The following SOX5 variants were observed in gnomAD, a reference collection of about 807,000 sequenced individuals.
SOX5 encodes SRY-box transcription factor 5.
In SOX5, 9 loss-of-function variants were observed where a neutral mutation model predicts 92.0. The ratio of observed to expected loss-of-function variants is 0.10; its 90% CI spans 0.06 to 0.17. The LOEUF is 0.17. Ranked by LOEUF, SOX5 falls within the 10% of genes least tolerant of loss-of-function variation. The probability of loss-of-function intolerance (pLI) is 1.00; values close to 1 mark genes in which losing one functional copy is unlikely to be tolerated. For synonymous variants in SOX5, 344 were observed against 336.3 expected (o/e 1.02, Z -0.25); for missense variants, 642 against 944.5 (o/e 0.68, Z 4.20).
chr12:23,671,161 T>C (rs578155582), intron 6 of SOX5, among the ~76,000 whole-genome samples: 4 of 152,310 alleles, frequency 2.6e-5, no homozygotes, highest in African/African-American at 9.6e-5. Flanking sequence ...AGAGTGAGTT[T>C]GTATGAAATC....
chr12:23,850,919 C>T (rs539008947), intron 2 of SOX5, among the ~76,000 whole-genome samples: 7 of 152,138 alleles, frequency 4.6e-5, no homozygotes, highest in African/African-American at 1.7e-4. Context: ...GTTCATAGTT[C>T]CAGTTATGAA....
Position 23,993,864 on chromosome 12 carries a change from AATGTATGTATGTATGT to A in SOX5, c.-1-97856_-1-97841del, listed in dbSNP as rs5797056. On this transcript the variant is annotated intron_variant, in intron 4 of 4. Transcript: ENST00000446891. ...ACATAAAGAAACTCCCTCCCTATGAAATGTATGTATGTATGTATGTATGTATGTATGTATGTATGTA... is the reference window on the plus strand; with the variant it reads ...ACATAAAGAAACTCCCTCCCTATGAAATGTATGTATGTATGTATGTATGTA... Among the ~76,000 whole-genome samples, 696 of 146,618 alleles carry A rather than the reference AATGTATGTATGTATGT, an allele frequency of 4.7e-3. 11 individuals carry two copies. The highest frequency in any genetic ancestry group is 0.026 in the Admixed American group (377 of 14,534).
At chr12:23,534,650 AT>A (rs1939821685) in intron 14 of SOX5, 128 bp from the exon 15 acceptor site, 2 of 660,290 alleles carry the variant, frequency 3.0e-6, no homozygotes, top group Non-Finnish European at 4.9e-6. Flanking sequence ...ATTGCCTAAC[AT>A]TTTTCAAACT....
At position 23,682,410 on chromosome 12, in the gene SOX5, A is replaced by T. The variant is rs562884865; in HGVS notation, c.811-16846T>A. ...TTGAGTCTAAGTTTCCATTAAAAAT[A>T]CAATTTGATTATTGAAATATGATCC... On this transcript the variant is annotated intron_variant, in intron 6 of 14. Transcript: ENST00000451604. Among the ~76,000 whole-genome samples the T allele has an allele frequency of 1.1e-4, 17 of 150,418 alleles. No individual in the cohort carries two copies. In the South Asian group the frequency reaches 3.3e-3, roughly 29 times the overall value.
chr12:23,906,552 T>C (rs1366354770), intron 1 of SOX5, among the ~76,000 whole-genome samples: 1 of 152,146 alleles, frequency 6.6e-6, no homozygotes, highest in African/African-American at 2.4e-5. Flanking sequence ...AGCGTGAAAG[T>C]GCTCACCTCC....
intron 8 of SOX5, among the ~76,000 whole-genome samples, chr12:23,640,149 A>C (rs537307273): frequency 6.6e-6 from 1 of 152,232 alleles, no homozygotes; most frequent in African/African-American, 2.4e-5. Flanking sequence ...AATCAAAGCT[A>C]CCTGTTACTA....
chr12:24,149,077 T>A (rs1035718924), intron 4 of SOX5, among the ~76,000 whole-genome samples: 4 of 152,126 alleles, frequency 2.6e-5, no homozygotes, highest in African/African-American at 9.7e-5. Context: ...ATGCTAATAT[T>A]GATTCAAAAT....
rs74524871 is a variant in SOX5 at position 23,557,426 on chromosome 12, T to C, written c.1488+5832A>G. On this transcript the variant is annotated intron_variant, in intron 11 of 14. Transcript: ENST00000451604. Reference sequence around the variant, plus strand: ...CATAGCATGCATTATATGTTTATATTCCAGGTACACTGTAGGCAATTAATG... The same window carrying C: ...CATAGCATGCATTATATGTTTATATCCCAGGTACACTGTAGGCAATTAATG... Among the ~76,000 whole-genome samples the C allele has an allele frequency of 7.5e-3, 1,148 of 152,346 alleles. 15 individuals carry two copies. Among genetic ancestry groups the C allele is most frequent in the African/African-American group, 0.026 (1,080 of 41,576 alleles).
intron 2 of SOX5, among the ~76,000 whole-genome samples, chr12:24,358,394 G>A (rs958750901): frequency 3.3e-5 from 5 of 152,156 alleles, no homozygotes; most frequent in African/African-American, 1.2e-4. Flanking sequence ...TGATGCACAG[G>A]AAAATTCTCT....
rs182207908 is a variant in SOX5, at chr12:24,253,363, C to T, written c.-77+23853G>A. On this transcript the variant is annotated intron_variant, in intron 3 of 4. Coordinates refer to the SOX5 transcript ENST00000446891. ...AACTTTTATTGATTATTGATACTAA[C>T]ATAGATACAACATAGGATCTTATCT... Among the ~76,000 whole-genome samples, 591 of 148,446 alleles carry T rather than the reference C, an allele frequency of 4.0e-3. 5 individuals are homozygous for T. Among genetic ancestry groups the T allele is most frequent in the African/African-American group, 0.014 (558 of 40,338 alleles).
At chr12:23,895,208 CAAAAAA>C (rs33970684) in intron 2 of SOX5, among the ~76,000 whole-genome samples, 58 of 91,310 alleles carry the variant, frequency 6.4e-4, no homozygotes, top group African/African-American at 1.8e-3. Context: ...GAATAGGATG[CAAAAAA>C]AAAAAAAAAA....
At chr12:23,742,020 G>A (rs1350284686) in intron 4 of SOX5, among the ~76,000 whole-genome samples, 16 of 152,122 alleles carry the variant, frequency 1.1e-4, no homozygotes, top group Admixed American at 1.0e-3. Flanking sequence ...AGTACTACCA[G>A]TAGGAGAGAA....
intron 13 of SOX5, among the ~76,000 whole-genome samples, chr12:23,537,950 T>A (rs1940967543): frequency 6.6e-6 from 1 of 152,110 alleles, no homozygotes; most frequent in Admixed American, 6.5e-5. Context: ...TAGCGTTTTT[T>A]TTTTTTTAAT....
chr12:23,825,873 A>G (rs1434985784), intron 3 of SOX5, among the ~76,000 whole-genome samples: 1 of 152,204 alleles, frequency 6.6e-6, no homozygotes, highest in Non-Finnish European at 1.5e-5. Context: ...AAGAAAAAAA[A>G]TCTGGCAAAA....
At chr12:24,447,878 G>A (rs955891673) in intron 1 of SOX5, among the ~76,000 whole-genome samples, 6 of 152,196 alleles carry the variant, frequency 3.9e-5, no homozygotes, top group East Asian at 3.9e-4. Context: ...AGAGGGATGC[G>A]GACAAATTGT....
chr12:24,192,089 T>G (rs1435909011), intron 4 of SOX5, among the ~76,000 whole-genome samples: 2 of 152,224 alleles, frequency 1.3e-5, no homozygotes, highest in Admixed American at 6.5e-5. Context: ...GTTAAAACTT[T>G]GTAAGCAGGT....
chr12:23,881,085 T>C (rs1379073735), intron 2 of SOX5, among the ~76,000 whole-genome samples: 3 of 152,120 alleles, frequency 2.0e-5, no homozygotes, highest in Non-Finnish European at 4.4e-5. Flanking sequence ...GCATCTTAAA[T>C]ACCACCTATC....
In SOX5 at chr12:23,930,493, C is replaced by G. The variant is rs79805474; in HGVS notation, c.38+19071G>C. On this transcript the variant is annotated intron_variant, in intron 1 of 14. Coordinates refer to ENST00000451604, the MANE Select transcript of SOX5 (RefSeq NM_006940.6). Reference sequence around the variant, plus strand: ...ACATAGACTCATGGTACAGTCATATCTAAGGAATAAATTAAGGTGTTTTGG... The same window carrying G: ...ACATAGACTCATGGTACAGTCATATGTAAGGAATAAATTAAGGTGTTTTGG... 4.6e-5 allele frequency among the ~76,000 whole-genome samples: 7 copies of G among 151,802 alleles called. No homozygotes were observed. In the East Asian group the frequency reaches 1.2e-3, roughly 25 times the overall value.
intron 1 of SOX5, among the ~76,000 whole-genome samples, chr12:23,939,047 A>AT (rs1239930070): frequency 2.0e-5 from 3 of 150,964 alleles, no homozygotes; most frequent in Non-Finnish European, 4.5e-5. Context: ...TATTTTTATG[A>AT]TTTTTTATAA....
Sources: allele counts gnomAD v4.1 joint callset (sites outside exome capture counted in the v4.1 genomes callset), GRCh38; gene constraint gnomAD v4.1.1; transcripts MANE v1.5; gene names NCBI Gene and HGNC (gene_info 2026-07-23, HGNC 2026-07-21).